Variants in LRBA observed in about 807,000 individuals in gnomAD.
LRBA encodes the protein lipopolysaccharide-responsive and beige-like anchor protein.
In LRBA, 176 loss-of-function variants were observed where a neutral mutation model predicts 330.0. That is an observed-to-expected ratio of 0.53 (90% CI 0.47 to 0.60). The LOEUF (loss-of-function observed/expected upper bound fraction) is 0.60, where lower values mean the gene tolerates loss of function less well. Among genes scored for constraint, LRBA ranks in the 20% least tolerant of loss-of-function variants. The pLI is 0.00. For missense variants in LRBA, 3,259 were observed against 3,444.8 expected, an observed-to-expected ratio of 0.95 and a Z score of 1.35; for synonymous variants, 1,230 against 1,193.0, an observed-to-expected ratio of 1.03 and a Z score of -0.64.
chr4:150,795,383 T>C (rs1009539564), intron 34 of LRBA, among the ~76,000 whole-genome samples: 5 of 152,054 alleles, frequency 3.3e-5, no homozygotes, highest in Non-Finnish European at 5.9e-5. Flanking sequence ...GAGAACTTGT[T>C]CAATTTTTGT....
intron 14 of LRBA, among the ~76,000 whole-genome samples, chr4:150,898,897 C>A (rs901986019): frequency 6.6e-6 from 1 of 152,086 alleles, no homozygotes; most frequent in African/African-American, 2.4e-5. Context: ...ATTATAGGTA[C>A]CAGATTCTCT....
chr4:150,863,389 CG>C (rs1271810118), intron 22 of LRBA, among the ~76,000 whole-genome samples: 5 of 152,122 alleles, frequency 3.3e-5, no homozygotes, highest in Admixed American at 2.0e-4. Flanking sequence ...AAGCCAGTCC[CG>C]GTGGCTCACC....
At chr4:150,592,278 A>G (rs1242719392) in intron 38 of LRBA, among the ~76,000 whole-genome samples, 1 of 149,352 alleles carries the variant, frequency 6.7e-6, no homozygotes, top group Admixed American at 6.9e-5. Flanking sequence ...AATTTATTCT[A>G]CATAGTTAAC....
intron 40 of LRBA, among the ~76,000 whole-genome samples, chr4:150,496,308 A>G (rs1399888714): frequency 2.0e-5 from 3 of 152,100 alleles, no homozygotes; most frequent in Non-Finnish European, 4.4e-5. Context: ...GTAAAAGCTT[A>G]TAAGTTTATC....
chr4:150,787,541 G>A (rs1175473208), intron 34 of LRBA, among the ~76,000 whole-genome samples: 1 of 151,772 alleles, frequency 6.6e-6, no homozygotes, highest in Non-Finnish European at 1.5e-5. Context: ...ATCTTTCTGG[G>A]TACATAGGAG....
In LRBA at chr4:150,916,663, G is replaced by C. The variant is rs547134963; in HGVS notation, c.721C>G (p.Pro241Ala). 1.2e-6 allele frequency: 2 copies of C among 1,601,050 alleles called. No individual in the cohort carries two copies. Among genetic ancestry groups the C allele is most frequent in the African/African-American group, 2.7e-5 (2 of 74,334 alleles). ...TTATCTACATTGATGTTATTTACAGGATCCATTCTAAGCCATGTATGAAAT... is the reference window on the plus strand; with the variant it reads ...TTATCTACATTGATGTTATTTACAGCATCCATTCTAAGCCATGTATGAAAT... ...FTFHTWLRMD[P>A]VNNINVDKDK... The change falls in exon 6 of 57, where the codon CCT (proline) becomes GCT (alanine). Residue 241 changes from proline (P) to alanine (A), a missense_variant. Transcript: ENST00000651943.
intron 14 of LRBA, among the ~76,000 whole-genome samples, chr4:150,898,407 C>A (rs1028091344): frequency 1.1e-4 from 17 of 152,078 alleles, no homozygotes; most frequent in Non-Finnish European, 1.3e-4. Context: ...CACATTAAAT[C>A]AATTTTCATG....
chr4:150,767,389 C>A (rs918159538), intron 34 of LRBA, among the ~76,000 whole-genome samples: 1 of 152,186 alleles, frequency 6.6e-6, no homozygotes, highest in African/African-American at 2.4e-5. Flanking sequence ...ATCTACTCTG[C>A]TATCATTTTA....
At chr4:150,373,588 A>G (rs1740791608) in intron 47 of LRBA, among the ~76,000 whole-genome samples, 1 of 152,188 alleles carries the variant, frequency 6.6e-6, no homozygotes, top group Admixed American at 6.5e-5. Context: ...TAATTTTACT[A>G]TAAATCCAAG....
intron 22 of LRBA, among the ~76,000 whole-genome samples, chr4:150,855,688 C>T (rs1751144380): frequency 6.6e-6 from 1 of 152,126 alleles, no homozygotes; most frequent in Non-Finnish European, 1.5e-5. Context: ...AAATCACTAT[C>T]CTGGTATTTC....
chr4:150,834,961 C>G (rs963538592), intron 28 of LRBA, among the ~76,000 whole-genome samples: 1 of 152,078 alleles, frequency 6.6e-6, no homozygotes, highest in Non-Finnish European at 1.5e-5. Flanking sequence ...GTCTTTGATC[C>G]ATCTTGAATT....
At chr4:150,805,504 GAAA>G (rs1159410478) in intron 33 of LRBA, among the ~76,000 whole-genome samples, 1 of 67,674 alleles carries the variant, frequency 1.5e-5, no homozygotes, top group African/African-American at 4.8e-5. Context: ...AGAAGGAGGA[GAAA>G]GAGAAGGAAA....
chr4:150,777,418 AC>A (rs760933917), intron 34 of LRBA, among the ~76,000 whole-genome samples: 18 of 152,254 alleles, frequency 1.2e-4, no homozygotes, highest in Admixed American at 1.0e-3. Context: ...CTCATGTCAA[AC>A]TGTTTCATTT....
At chr4:150,638,170 T>A (rs557162419) in intron 37 of LRBA, among the ~76,000 whole-genome samples, 2 of 152,118 alleles carry the variant, frequency 1.3e-5, no homozygotes, top group Non-Finnish European at 2.9e-5. Flanking sequence ...AAGCTGGGAT[T>A]ACAGGCAAGC....
intron 11 of LRBA, 77 bp from the exon 12 acceptor site, chr4:150,906,482 T>A (rs1022390811): frequency 1.3e-6 from 1 of 743,348 alleles, no homozygotes; most frequent in Non-Finnish European, 2.3e-6. Flanking sequence ...GATGTAACCC[T>A]TCCATTCACC....
At chr4:150,316,913 A>C (rs1201079561) in intron 50 of LRBA, among the ~76,000 whole-genome samples, 1 of 152,146 alleles carries the variant, frequency 6.6e-6, no homozygotes, top group East Asian at 1.9e-4. Flanking sequence ...ATGTTCATGA[A>C]GATTCCTGGA....
intron 44 of LRBA, among the ~76,000 whole-genome samples, chr4:150,446,182 C>A (rs1005301879): frequency 1.3e-5 from 2 of 151,802 alleles, no homozygotes; most frequent in African/African-American, 2.4e-5. Context: ...AGGGGAAAAT[C>A]GATGAAGGGA....
intron 47 of LRBA, among the ~76,000 whole-genome samples, chr4:150,397,692 G>A (rs1413802529): frequency 6.6e-6 from 1 of 152,158 alleles, no homozygotes; most frequent in African/African-American, 2.4e-5. Context: ...TAACAACACA[G>A]GTTTCTTGCA....
At chr4:150,906,968 T>C in intron 11 of LRBA, among the ~76,000 whole-genome samples, 1 of 151,676 alleles carries the variant, frequency 6.6e-6, no homozygotes, top group Non-Finnish European at 1.5e-5. Flanking sequence ...AAGAAGTTTG[T>C]TCATTATCCC....
Sources: allele counts gnomAD v4.1 joint callset (sites outside exome capture counted in the v4.1 genomes callset), GRCh38; gene constraint gnomAD v4.1.1; transcripts MANE v1.5; gene names NCBI Gene and HGNC (gene_info 2026-07-23, HGNC 2026-07-21).